Variants in ULK2 observed in about 807,000 individuals in gnomAD.
ULK2 encodes the protein serine/threonine-protein kinase ULK2.
In ULK2, 76 loss-of-function variants were observed where a neutral mutation model predicts 127.5. The observed-to-expected ratio is 0.60, with a 90% CI of 0.50 to 0.72. ULK2 has a LOEUF of 0.72. Among genes scored for constraint, ULK2 ranks in the 30% least tolerant of loss-of-function variants. The probability of loss-of-function intolerance (pLI) is 0.00; values close to 1 mark genes in which losing one functional copy is unlikely to be tolerated. For missense variants in ULK2, 1,144 were observed against 1,295.9 expected (o/e 0.88, Z 1.80); for synonymous variants, 452 against 461.9 (o/e 0.98, Z 0.28).
intron 3 of ULK2, chr17:19,855,955 C>A (rs2042118030): frequency 6.6e-6 from 1 of 151,806 alleles, no homozygotes; most frequent in Admixed American, 6.6e-5. Flanking sequence ...TTAGAGGCTG[C>A]AGTGAGATAT....
intron 12 of ULK2, among the ~76,000 whole-genome samples, chr17:19,820,238 A>G (rs2041104909): frequency 6.6e-6 from 1 of 152,028 alleles, no homozygotes; most frequent in Non-Finnish European, 1.5e-5. Flanking sequence ...TAGTAGAAAT[A>G]GGGTTTCACC....
chr17:19,806,587 G>C (rs2087520855), intron 14 of ULK2, among the ~76,000 whole-genome samples: 1 of 152,186 alleles, frequency 6.6e-6, no homozygotes, highest in Non-Finnish European at 1.5e-5. Flanking sequence ...GACTTGCTCA[G>C]GGTCTAGAAA....
At chr17:19,829,974 C>T (rs1164828774) in intron 10 of ULK2, among the ~76,000 whole-genome samples, 1 of 151,604 alleles carries the variant, frequency 6.6e-6, no homozygotes, top group Non-Finnish European at 1.5e-5. Context: ...GAGATTTGTA[C>T]AATAATAGTT....
chr17:19,859,487 C>T (rs281325), intron 3 of ULK2, among the ~76,000 whole-genome samples: 8,249 of 152,220 alleles, frequency 0.054, 383 homozygotes, highest in East Asian at 0.24. Context: ...GCTGCACTCC[C>T]GCCTGGGTAA....
intron 10 of ULK2, 44 bp downstream of exon 10, chr17:19,838,457 A>C (rs1405881462): frequency 6.6e-7 from 1 of 1,511,860 alleles, no homozygotes; most frequent in South Asian, 1.2e-5. Flanking sequence ...GGCATATATA[A>C]CAATAAAATT....
rs772095479 is a variant in ULK2 at position 19,867,418 on chromosome 17, G to C, written c.-1C>G. 2.5e-6 allele frequency: 4 copies of C among 1,590,752 alleles called. No individual in the cohort carries two copies. The East Asian group carries it at 7.1e-5, about 28-fold the overall frequency. ...ACTCGAAGTCACCCACCACCTCCAT[G>C]GCCGCGCCCCCGGGGCACACAGCGG... On this transcript the variant is annotated 5_prime_UTR_variant, in exon 1 of 27. Coordinates refer to ENST00000395544, the MANE Select transcript of ULK2 (RefSeq NM_014683.4).
At chr17:19,849,134 G>C (rs2041959898) in intron 5 of ULK2, among the ~76,000 whole-genome samples, 2 of 152,256 alleles carry the variant, frequency 1.3e-5, no homozygotes, top group Middle Eastern at 6.8e-3. Context: ...AACACTGTCA[G>C]AGAGAGACAC....
chr17:19,818,031 C>T (rs749845933), intron 12 of ULK2, among the ~76,000 whole-genome samples: 3 of 152,078 alleles, frequency 2.0e-5, no homozygotes, highest in Middle Eastern at 3.2e-3. Flanking sequence ...GTGTGAATCA[C>T]GGCTCACACC....
intron 20 of ULK2, 50 bp downstream of exon 20, chr17:19,795,572 T>C: frequency 1.4e-6 from 2 of 1,446,876 alleles, no homozygotes; most frequent in Non-Finnish European, 1.9e-6. Flanking sequence ...AAGAAACAAA[T>C]GCATATGCTA....
intron 13 of ULK2, among the ~76,000 whole-genome samples, chr17:19,814,411 C>CATACATACATATAT (rs1555557064): frequency 2.7e-5 from 1 of 36,510 alleles, no homozygotes; most frequent in African/African-American, 1.2e-4. Context: ...TTATTATATA[C>CATACATACATATAT]ATATATATAT....
intron 13 of ULK2, among the ~76,000 whole-genome samples, chr17:19,814,440 T>TATATATATACATATATA (rs1567696572): frequency 2.1e-3 from 15 of 7,076 alleles, no homozygotes; most frequent in African/African-American, 5.6e-3. Flanking sequence ...ATATATATAT[T>TATATATATACATATATA]TTTTTTTTTT....
intron 14 of ULK2, 120 bp downstream of exon 14, chr17:19,810,244 AAAAAAAAAAAAAAC>A: frequency 3.2e-5 from 12 of 370,504 alleles, no homozygotes; most frequent in East Asian, 1.5e-4. Flanking sequence ...AAAAAAAAAA[AAAAAAAAAAAAAAC>A]CAGAAATAAT....
At chr17:19,833,465 T>A (rs2152394902) in intron 10 of ULK2, among the ~76,000 whole-genome samples, 1 of 151,980 alleles carries the variant, frequency 6.6e-6, no homozygotes, top group South Asian at 2.1e-4. Context: ...TCCCAGCACT[T>A]TAGGAGGCCG....
chr17:19,782,161 C>G (rs1320278349), intron 22 of ULK2, 94 bp from the exon 23 acceptor site: 7 of 1,251,682 alleles, frequency 5.6e-6, no homozygotes. Context: ...ATCATGTTTT[C>G]TATACTTATG....
rs1226104913 is a variant in ULK2 at position 19,772,637 on chromosome 17, T to C, written c.*3712A>G. 6.6e-6 allele frequency: 1 copy of C among 152,194 alleles called. No homozygotes were observed. The highest frequency in any genetic ancestry group is 2.4e-5 in the African/African-American group (1 of 41,458). The allele number at this position is 152,194 out of a possible 1,614,324, so 9.4% of individuals were successfully genotyped here. The stretch of plus-strand genomic sequence containing the variant: ...TTATAGAAAATACGAGGGAGCATAG[T>C]TTAAAAAGTGTGAAGTCCTCCTCCA... On this transcript the variant is annotated 3_prime_UTR_variant, in exon 27 of 27. Transcript: ENST00000395544.
intron 20 of ULK2, among the ~76,000 whole-genome samples, chr17:19,788,800 C>T (rs562643379): frequency 6.6e-5 from 10 of 152,236 alleles, no homozygotes; most frequent in Admixed American, 5.9e-4. Context: ...GGTGGCCTGG[C>T]AGAACTCCTT....
At chr17:19,836,682 G>A (rs1043241859) in intron 10 of ULK2, among the ~76,000 whole-genome samples, 13 of 151,660 alleles carry the variant, frequency 8.6e-5, no homozygotes, top group Non-Finnish European at 1.8e-4. Context: ...TGAGGTGGGC[G>A]GATCACAAGG....
intron 20 of ULK2, among the ~76,000 whole-genome samples, chr17:19,790,138 C>T (rs1040622330): frequency 3.3e-5 from 5 of 152,020 alleles, no homozygotes; most frequent in Admixed American, 1.3e-4. Context: ...TGGATAGGGC[C>T]GGGAGTGGTG....
chr17:19,845,150 G>A (rs1157506087), intron 7 of ULK2, among the ~76,000 whole-genome samples, 154 bp downstream of exon 7: 1 of 152,180 alleles, frequency 6.6e-6, no homozygotes, highest in Non-Finnish European at 1.5e-5. Flanking sequence ...AAAGATGTCT[G>A]TATTATAGCA....
Sources: gnomAD v4.1 joint callset for allele counts (sites outside exome capture counted in the v4.1 genomes callset) on GRCh38, gnomAD v4.1.1 for gene constraint, MANE v1.5 for transcripts, NCBI Gene and HGNC (gene_info 2026-07-23, HGNC 2026-07-21) for gene names.